MICU1: variants seen among roughly 807,000 people sequenced by gnomAD.
The protein encoded by MICU1 is mitochondrial calcium uptake 1.
MICU1 carries 45 observed loss-of-function variants against 56.8 expected under a neutral mutation model. That is an observed-to-expected ratio of 0.79 (90% confidence interval 0.62 to 1.02). The LOEUF (loss-of-function observed/expected upper bound fraction) is 1.02, where lower values mean the gene tolerates loss of function less well. MICU1 is among the 50% of genes least tolerant of loss of function. MICU1 has a pLI of 0.00. For synonymous variants in MICU1, 186 were observed against 195.1 expected, an observed-to-expected ratio of 0.95 and a Z score of 0.39; for missense variants, 504 against 587.1, an observed-to-expected ratio of 0.86 and a Z score of 1.46.
chr10:72,405,243 G>A (rs1217313860), intron 10 of MICU1, among the ~76,000 whole-genome samples: 1 of 151,822 alleles, frequency 6.6e-6, no homozygotes, highest in Non-Finnish European at 1.5e-5. Flanking sequence ...TTTAGAGACA[G>A]AGTTTCGCTC....
intron 8 of MICU1, among the ~76,000 whole-genome samples, chr10:72,459,658 T>C (rs2132233759): frequency 6.6e-6 from 1 of 152,332 alleles, no homozygotes; most frequent in South Asian, 2.1e-4. Flanking sequence ...AATTATACAC[T>C]GTCCTTGAGT....
chr10:72,494,184 G>A (rs1589275827), intron 6 of MICU1, among the ~76,000 whole-genome samples: 1 of 152,262 alleles, frequency 6.6e-6, no homozygotes, highest in East Asian at 1.9e-4. Flanking sequence ...GGGCCGACCT[G>A]GGGGTAAAGC....
rs1040810552 is a variant in MICU1 at position 72,533,933 on chromosome 10, C to T, written c.494-144G>A. 5.9e-5 allele frequency: 35 copies of T among 591,992 alleles called. No individual in the cohort carries two copies. In the African/African-American group the frequency reaches 6.6e-4, roughly 11 times the overall value. The allele number at this position is 591,992 out of a possible 1,614,324, so 36.7% of individuals were successfully genotyped here. ...AAGGCCACAGGAATGAATATTTTGC[C>T]CCACTTTCAGATTTAAAGTGTGAGT... On this transcript the variant is annotated intron_variant, in intron 4 of 11. Coordinates refer to ENST00000361114, the MANE Select transcript of MICU1 (RefSeq NM_001195518.2).
At chr10:72,564,969 C>T (rs1309317948) in intron 2 of MICU1, among the ~76,000 whole-genome samples, 6 of 152,078 alleles carry the variant, frequency 3.9e-5, no homozygotes, top group African/African-American at 1.4e-4. Context: ...AAAGATCATG[C>T]TATATTAATA....
intron 10 of MICU1, among the ~76,000 whole-genome samples, chr10:72,387,163 C>T (rs183916840): frequency 7.3e-4 from 111 of 152,268 alleles, no homozygotes; most frequent in South Asian, 5.0e-3. Flanking sequence ...TTACTTCATT[C>T]AGTAAAAAGC....
At chr10:72,547,384 A>G (rs1237340811) in intron 4 of MICU1, among the ~76,000 whole-genome samples, 1 of 152,014 alleles carries the variant, frequency 6.6e-6, no homozygotes, top group Admixed American at 6.6e-5. Flanking sequence ...GAAGTTTTAT[A>G]TACCTTTCAT....
At chr10:72,552,538 GTTTTA>G (rs1840059649) in intron 3 of MICU1, among the ~76,000 whole-genome samples, 1 of 152,160 alleles carries the variant, frequency 6.6e-6, no homozygotes, top group African/African-American at 2.4e-5. Context: ...CTTTATTGAT[GTTTTA>G]TTTTATTTTA....
chr10:72,618,880 T>C (rs1344155280), intron 1 of MICU1, among the ~76,000 whole-genome samples: 1 of 152,252 alleles, frequency 6.6e-6, no homozygotes, highest in Non-Finnish European at 1.5e-5. Flanking sequence ...TTATTTTTAA[T>C]GAGCTTAAAT....
intron 4 of MICU1, among the ~76,000 whole-genome samples, chr10:72,535,989 C>A (rs565548985): frequency 1.3e-5 from 2 of 151,928 alleles, no homozygotes; most frequent in Admixed American, 6.6e-5. Context: ...CTCATCCCTA[C>A]GTGGAAGCCA....
intron 8 of MICU1, among the ~76,000 whole-genome samples, chr10:72,431,142 A>ATCTATCTATCTG (rs1864518254): frequency 6.8e-6 from 1 of 147,930 alleles, no homozygotes; most frequent in Non-Finnish European, 1.5e-5. Flanking sequence ...CTATCTATCT[A>ATCTATCTATCTG]TTTTCTGAGA....
At chr10:72,438,355 A>G (rs1034355993) in intron 8 of MICU1, among the ~76,000 whole-genome samples, 1 of 152,240 alleles carries the variant, frequency 6.6e-6, no homozygotes, top group Non-Finnish European at 1.5e-5. Flanking sequence ...ACCAATGAGA[A>G]CAAAGACACA....
intron 5 of MICU1, among the ~76,000 whole-genome samples, chr10:72,530,139 C>G (rs1839435211): frequency 6.7e-6 from 1 of 150,364 alleles, no homozygotes; most frequent in Non-Finnish European, 1.5e-5. Context: ...ACCAGCCTGG[C>G]CAACATGGTA....
chr10:72,537,063 T>C lies in MICU1; in HGVS notation c.494-3274A>G, dbSNP rs79061022. On this transcript the variant is annotated intron_variant, in intron 4 of 11. Transcript: ENST00000361114. ...TATGCTCTTCATTATATTAAAAAAATGGTGAGGGGGAAGGGGCATGGGAGG... is the reference window on the plus strand; with the variant it reads ...TATGCTCTTCATTATATTAAAAAAACGGTGAGGGGGAAGGGGCATGGGAGG... Among the ~76,000 whole-genome samples, 325 of 152,266 alleles carry C rather than the reference T, an allele frequency of 2.1e-3. 1 individual carries two copies. Among genetic ancestry groups the C allele is most frequent in the African/African-American group, 7.0e-3 (291 of 41,546 alleles).
chr10:72,559,786 C>T (rs1259997826), intron 3 of MICU1, among the ~76,000 whole-genome samples: 4 of 152,270 alleles, frequency 2.6e-5, no homozygotes, highest in East Asian at 3.9e-4. Context: ...GGTACTGGTC[C>T]GGGGCCTGTT....
At chr10:72,478,069 A>G (rs190500387) in intron 6 of MICU1, among the ~76,000 whole-genome samples, 43 of 152,042 alleles carry the variant, frequency 2.8e-4, no homozygotes, top group Non-Finnish European at 5.7e-4. Flanking sequence ...GGGTTTCACC[A>G]TGTTGACCAG....
At chr10:72,512,097 G>GTTTTTTTTTTTTTTTT (rs1867471926) in intron 5 of MICU1, among the ~76,000 whole-genome samples, 2 of 100,702 alleles carry the variant, frequency 2.0e-5, no homozygotes, top group Admixed American at 1.2e-4. Flanking sequence ...TCCATACACA[G>GTTTTTTTTTTTTTTTT]TTGTTTTTTG....
intron 9 of MICU1, among the ~76,000 whole-genome samples, chr10:72,412,967 C>A (rs558972125): frequency 6.6e-6 from 1 of 151,776 alleles, no homozygotes; most frequent in Non-Finnish European, 1.5e-5. Context: ...GAGGCAAAGG[C>A]GGGCAGATCA....
intron 5 of MICU1, among the ~76,000 whole-genome samples, chr10:72,526,772 T>TAC (rs1191632345): frequency 6.6e-6 from 1 of 152,132 alleles, no homozygotes; most frequent in African/African-American, 2.4e-5. Context: ...TACTACATGA[T>TAC]ACCACCTTTC....
chr10:72,551,578 C>T (rs573514699), intron 3 of MICU1, among the ~76,000 whole-genome samples: 5 of 152,064 alleles, frequency 3.3e-5, no homozygotes, highest in African/African-American at 7.2e-5. Context: ...TGAGGCAATG[C>T]TCATGTAACT....
Sources: gnomAD v4.1 joint callset for allele counts (sites outside exome capture counted in the v4.1 genomes callset) on GRCh38, gnomAD v4.1.1 for gene constraint, MANE v1.5 for transcripts, NCBI Gene and HGNC (gene_info 2026-07-23, HGNC 2026-07-21) for gene names.